XKR6: variants seen among roughly 807,000 people sequenced by gnomAD.
XKR6 encodes the protein XK related 6.
XKR6 carries 22 observed loss-of-function variants against 56.7 expected under a neutral mutation model. The ratio of observed to expected loss-of-function variants is 0.39; its 90% CI spans 0.28 to 0.55. The LOEUF is 0.55. XKR6 is among the 20% of genes least tolerant of loss of function. The pLI is 0.66. For missense variants in XKR6, 852 were observed against 889.0 expected (o/e 0.96, Z 0.53); for synonymous variants, 524 against 387.8 (o/e 1.35, Z -4.13).
chr8:11,094,529 C>A (rs780672990), intron 1 of XKR6, among the ~76,000 whole-genome samples: 15 of 152,170 alleles, frequency 9.9e-5, no homozygotes, highest in Non-Finnish European at 2.1e-4. Flanking sequence ...TAATTTCCCT[C>A]TCAAATGGAT....
intron 1 of XKR6, among the ~76,000 whole-genome samples, chr8:11,046,953 A>G (rs1799425180): frequency 6.6e-6 from 1 of 152,162 alleles, no homozygotes; most frequent in South Asian, 2.1e-4. Flanking sequence ...ACTCAAACTC[A>G]TAGAAGCAGA....
chr8:11,048,946 G>A (rs1799477122), intron 1 of XKR6, among the ~76,000 whole-genome samples: 1 of 152,220 alleles, frequency 6.6e-6, no homozygotes, highest in African/African-American at 2.4e-5. Context: ...CTGCCCAGGT[G>A]CACAGTGGCT....
At chr8:11,149,190 C>A (rs1801142298) in intron 1 of XKR6, among the ~76,000 whole-genome samples, 1 of 152,178 alleles carries the variant, frequency 6.6e-6, no homozygotes, top group Admixed American at 6.5e-5. Context: ...CCGAGAAATG[C>A]ATTATTACAG....
At chr8:10,996,508 C>T (rs961252603) in intron 1 of XKR6, among the ~76,000 whole-genome samples, 2 of 152,158 alleles carry the variant, frequency 1.3e-5, no homozygotes, top group Admixed American at 6.5e-5. Context: ...AGAAAATTTT[C>T]CCAATTACAG....
intron 1 of XKR6, among the ~76,000 whole-genome samples, chr8:11,187,657 A>T (rs554182558): frequency 5.9e-5 from 9 of 152,296 alleles, no homozygotes; most frequent in African/African-American, 2.2e-4. Context: ...AATCAGTCAT[A>T]TCAAAGCACC....
intron 1 of XKR6, among the ~76,000 whole-genome samples, chr8:10,986,537 A>G (rs1453951861): frequency 1.3e-5 from 2 of 152,198 alleles, no homozygotes; most frequent in African/African-American, 4.8e-5. Flanking sequence ...AGATGGTGGA[A>G]TTCTGTGATC....
At chr8:11,051,323 C>T (rs1799542454) in intron 1 of XKR6, among the ~76,000 whole-genome samples, 1 of 152,074 alleles carries the variant, frequency 6.6e-6, no homozygotes, top group Non-Finnish European at 1.5e-5. Flanking sequence ...TCCAGTCTCC[C>T]CCTCGGTACT....
intron 1 of XKR6, among the ~76,000 whole-genome samples, chr8:11,075,085 G>A (rs1259511328): frequency 6.6e-6 from 1 of 152,156 alleles, no homozygotes; most frequent in Non-Finnish European, 1.5e-5. Context: ...GGTGGGGAGG[G>A]AAGAGGATGC....
chr8:11,073,716 T>A (rs570856314), intron 1 of XKR6, among the ~76,000 whole-genome samples: 1 of 152,294 alleles, frequency 6.6e-6, no homozygotes, highest in African/African-American at 2.4e-5. Flanking sequence ...AATCACAGGT[T>A]GTGAAAATGG....
intron 1 of XKR6, among the ~76,000 whole-genome samples, chr8:11,043,979 C>T (rs1015012700): frequency 6.6e-6 from 1 of 152,208 alleles, no homozygotes; most frequent in Admixed American, 6.5e-5. Context: ...TCTTCTTTTT[C>T]TCCAGCAGCT....
chr8:10,940,963 G>A (rs984727618), intron 1 of XKR6, among the ~76,000 whole-genome samples: 1 of 152,290 alleles, frequency 6.6e-6, no homozygotes. Flanking sequence ...CTGGGGTCAC[G>A]CAGGGACATA....
rs60435831 is a variant in XKR6 at position 11,106,863 on chromosome 8, A to AAAAAAAAAAAAAAAAAAAAAAAAAAAG, written c.764+93712_764+93713insCTTTTTTTTTTTTTTTTTTTTTTTTTT. Among the ~76,000 whole-genome samples, 36 of 109,908 alleles carry AAAAAAAAAAAAAAAAAAAAAAAAAAAG rather than the reference A, an allele frequency of 3.3e-4. 4 individuals carry two copies. The highest frequency in any genetic ancestry group is 9.2e-4 in the African/African-American group (20 of 21,626). The allele number at this position is 109,908 out of a possible 152,430, so 72.1% of individuals were successfully genotyped here. A position where few individuals can be genotyped will look rare whatever the true frequency, so the allele number is the denominator to read the frequency against. ...GAGACTTCATCTCAAAAAAAAAAAAAAATAAAAAAGATACAACGTTACAAA... is the reference window on the plus strand; with the variant it reads ...GAGACTTCATCTCAAAAAAAAAAAAAAAAAAAAAAAAAAAAAAAAAAAAAAAGAATAAAAAAGATACAACGTTACAAA... On this transcript the variant is annotated intron_variant, in intron 1 of 2. Coordinates refer to ENST00000416569, the MANE Select transcript of XKR6 (RefSeq NM_173683.4).
At chr8:11,123,151 G>A (rs936893530) in intron 1 of XKR6, among the ~76,000 whole-genome samples, 3 of 151,316 alleles carry the variant, frequency 2.0e-5, no homozygotes, top group African/African-American at 7.3e-5. Context: ...GCAGGAGAAT[G>A]GCTTGAACCT....
chr8:10,936,309 G>T (rs1250423009), intron 1 of XKR6, among the ~76,000 whole-genome samples: 8 of 144,402 alleles, frequency 5.5e-5, no homozygotes, highest in Non-Finnish European at 1.2e-4. Context: ...CACGTGAGAT[G>T]GGTTTCCTGA....
intron 1 of XKR6, among the ~76,000 whole-genome samples, chr8:11,194,081 C>A (rs1011363418): frequency 6.6e-6 from 1 of 152,156 alleles, no homozygotes; most frequent in Admixed American, 6.5e-5. Flanking sequence ...GGACTTAGAA[C>A]TCTACTCCGA....
intron 1 of XKR6, among the ~76,000 whole-genome samples, chr8:11,095,173 A>C (rs1798227177): frequency 6.6e-6 from 1 of 152,230 alleles, no homozygotes; most frequent in Admixed American, 6.5e-5. Context: ...AGTAGCGTTC[A>C]AGTTTGTGCA....
At chr8:11,057,465 T>A (rs1393659166) in intron 1 of XKR6, among the ~76,000 whole-genome samples, 3 of 152,230 alleles carry the variant, frequency 2.0e-5, no homozygotes, top group Non-Finnish European at 4.4e-5. Context: ...ATTTGTCCAG[T>A]AGTCCCAGTG....
chr8:10,978,931 C>T lies in XKR6; in HGVS notation c.765-54101G>A, dbSNP rs114251686. 5.6e-3 allele frequency among the ~76,000 whole-genome samples: 859 copies of T among 152,304 alleles called. 5 individuals carry two copies. Among genetic ancestry groups the T allele is most frequent in the African/African-American group, 0.02 (826 of 41,560 alleles). On this transcript the variant is annotated intron_variant, in intron 1 of 2. Coordinates refer to ENST00000416569, the MANE Select transcript of XKR6 (RefSeq NM_173683.4). ...CATCCTGCCACTGGCCCAGCTTCAG[C>T]CCTGTGTCATCTCACAGAGACCGTA...
intron 1 of XKR6, among the ~76,000 whole-genome samples, chr8:11,051,158 AC>A (rs569228149): frequency 2.9e-4 from 43 of 150,726 alleles, no homozygotes; most frequent in African/African-American, 1.0e-3. Flanking sequence ...TCAGTGGATC[AC>A]CCCCCATCTG....
Sources: allele counts gnomAD v4.1 joint callset (sites outside exome capture counted in the v4.1 genomes callset), GRCh38; gene constraint gnomAD v4.1.1; transcripts MANE v1.5; gene names NCBI Gene and HGNC (gene_info 2026-07-23, HGNC 2026-07-21).